The following SENP1 variants were observed in gnomAD, a reference collection of about 807,000 sequenced individuals.
The protein encoded by SENP1 is sentrin-specific protease 1.
In SENP1, 21 loss-of-function variants were observed where a neutral mutation model predicts 93.0. The ratio of observed to expected loss-of-function variants is 0.23; its 90% CI spans 0.16 to 0.33. The LOEUF (loss-of-function observed/expected upper bound fraction) is 0.33, where lower values mean the gene tolerates loss of function less well. Among genes scored for constraint, SENP1 ranks in the 10% least tolerant of loss-of-function variants. SENP1 has a pLI of 1.00. For missense variants in SENP1, 591 were observed against 758.7 expected, an observed-to-expected ratio of 0.78 and a Z score of 2.60; for synonymous variants, 256 against 259.6, an observed-to-expected ratio of 0.99 and a Z score of 0.13.
chr12:48,053,102 T>C (rs959724881), intron 13 of SENP1, among the ~76,000 whole-genome samples: 1 of 152,284 alleles, frequency 6.6e-6, no homozygotes, highest in Middle Eastern at 3.4e-3. Context: ...CAGATTTAAC[T>C]ACTCCTTGGA....
intron 14 of SENP1, among the ~76,000 whole-genome samples, chr12:48,048,707 CTT>C (rs1941560623): frequency 6.6e-6 from 1 of 152,180 alleles, no homozygotes; most frequent in African/African-American, 2.4e-5. Context: ...CTATAACTCT[CTT>C]TTAAATATTT....
At chr12:48,049,740 T>C (rs1027131135) in intron 13 of SENP1, among the ~76,000 whole-genome samples, 1 of 152,174 alleles carries the variant, frequency 6.6e-6, no homozygotes, top group African/African-American at 2.4e-5. Context: ...GGAGAAGCCA[T>C]TAATTATACT....
rs11833896 is a variant in SENP1, at chr12:48,093,247, A to C, written c.220+3096T>G. ...ATATAAACAGCTTCATGTCAGTTCA[A>C]GTAGGTTTTGCCAAGGAATGAATTC... On this transcript the variant is annotated intron_variant, in intron 4 of 17. Coordinates refer to ENST00000549518, the MANE Select transcript of SENP1 (RefSeq NM_001267594.2). Among the ~76,000 whole-genome samples the C allele has an allele frequency of 4.6e-3, 696 of 151,856 alleles. 7 individuals are homozygous for C. The highest frequency in any genetic ancestry group is 0.015 in the African/African-American group (626 of 41,430).
At chr12:48,096,525 T>C (rs898526525) in intron 3 of SENP1, 98 bp from the exon 4 acceptor site, 17 of 691,152 alleles carry the variant, frequency 2.5e-5, no homozygotes, top group Non-Finnish European at 4.3e-5. Flanking sequence ...GCACAATCTC[T>C]GCTCACTGCA....
intron 17 of SENP1, among the ~76,000 whole-genome samples, chr12:48,045,626 T>C (rs1320656064): frequency 6.6e-6 from 1 of 152,208 alleles, no homozygotes. Flanking sequence ...CCCCAGGCTA[T>C]GCCCACGTCT....
intron 4 of SENP1, among the ~76,000 whole-genome samples, chr12:48,095,829 G>C (rs778810638): frequency 2.0e-5 from 3 of 152,190 alleles, no homozygotes; most frequent in Non-Finnish European, 4.4e-5. Context: ...TTCTGTCATG[G>C]ATCACAAGTT....
In SENP1 at chr12:48,061,867, GT is replaced by G. The variant is rs142729152; in HGVS notation, c.1407+1842del. 3.9e-4 allele frequency among the ~76,000 whole-genome samples: 60 copies of G among 152,306 alleles called. No individual in the cohort carries two copies. In the East Asian group the frequency reaches 0.011, roughly 28 times the overall value. ...TAGCTCCCATCATTATTATGGACAT[GT>G]GAACTGGCACTCATTTTCAAGGATA... On this transcript the variant is annotated intron_variant, in intron 13 of 17. Transcript: ENST00000549518.
In SENP1 at chr12:48,074,791, T is replaced by C; in HGVS notation, c.555A>G (p.Thr185=). 1 of 1,587,840 alleles carries C rather than the reference T, an allele frequency of 6.3e-7. No individual in the cohort carries two copies. Among genetic ancestry groups the C allele is most frequent in the Non-Finnish European group, 8.6e-7 (1 of 1,166,032 alleles). Residue 185 remains threonine (T), a splice_region_variant and synonymous_variant, in exon 7 of 18, where the codon ACA becomes ACG. Coordinates refer to ENST00000549518, the MANE Select transcript of SENP1 (RefSeq NM_001267594.2). ...QRRHVSTAEE[T]VQEEEREIYR... is the part of the protein sequence containing the mutation. ...AAATCTCTCTTTCTTCTTCTTGAACTGTCTATAAGAAAACAAAAAAAAAAA... is the reference window on the plus strand; with the variant it reads ...AAATCTCTCTTTCTTCTTCTTGAACCGTCTATAAGAAAACAAAAAAAAAAA...
In SENP1 at chr12:48,074,722, T is replaced by A. The variant is rs574312330; in HGVS notation, c.624A>T (p.Ile208=). 5.6e-6 allele frequency: 9 copies of A among 1,613,528 alleles called. No individual in the cohort carries two copies. The highest frequency in any genetic ancestry group is 7.6e-6 in the Non-Finnish European group (9 of 1,179,728). The change falls in exon 7 of 18, where the codon ATA becomes ATT. Residue 208 remains isoleucine, a synonymous_variant. Coordinates refer to ENST00000549518, the MANE Select transcript of SENP1 (RefSeq NM_001267594.2). ...LQMVTGKQFT[I]AKPTTHFPLH... ...AAGGAAAATGTGTGGTGGGTTTGGC[T>A]ATAGTAAACTGTTTCCCTGTGACCA...
At position 48,096,318 on chromosome 12, in the gene SENP1, C is replaced by T. The variant is rs773218272; in HGVS notation, c.220+25G>A. 10 of 1,406,240 alleles carry T rather than the reference C, an allele frequency of 7.1e-6. No individual in the cohort carries two copies. The South Asian group carries it at 1.1e-4, about 15-fold the overall frequency. The allele number at this position is 1,406,240 out of a possible 1,614,324, so 87.1% of individuals were successfully genotyped here. Reference sequence around the variant, plus strand: ...AAGAAATCCAAAAGGTATAAAGTCCCTTGACTCCAAGTAATGTGTCATACC... The same window carrying T: ...AAGAAATCCAAAAGGTATAAAGTCCTTTGACTCCAAGTAATGTGTCATACC... On this transcript the variant is annotated intron_variant, in intron 4 of 17. Transcript: ENST00000549518.
chr12:48,075,216 A>AAAAACAAAACAAAACAAAAC (rs58188197), intron 6 of SENP1, among the ~76,000 whole-genome samples: 2 of 150,334 alleles, frequency 1.3e-5, no homozygotes, highest in Non-Finnish European at 3.0e-5. Flanking sequence ...CTCTGTCTCA[A>AAAAACAAAACAAAACAAAAC]AAAACAAAAC....
intron 14 of SENP1, 21 bp from the exon 15 acceptor site, chr12:48,048,101 C>G: frequency 6.6e-7 from 1 of 1,523,678 alleles, no homozygotes; most frequent in East Asian, 2.3e-5. Flanking sequence ...GAAAAAAAGT[C>G]TCTGTGTTTA....
chr12:48,089,078 T>G, intron 4 of SENP1, 118 bp from the exon 5 acceptor site: 2 of 1,543,086 alleles, frequency 1.3e-6, no homozygotes, highest in Admixed American at 1.9e-5. Flanking sequence ...ATTTCTCTCA[T>G]GGAAGAAAGA....
chr12:48,099,028 T>C (rs1945746384), intron 2 of SENP1: 1 of 152,018 alleles, frequency 6.6e-6, no homozygotes, highest in African/African-American at 2.4e-5. Context: ...TTTAAAGCTT[T>C]AAAAATAACG....
At chr12:48,055,338 C>A (rs951937340) in intron 13 of SENP1, 1 of 156,716 alleles carries the variant, frequency 6.4e-6, no homozygotes, top group African/African-American at 2.4e-5. Context: ...ATTCCCAAAT[C>A]TCTTCCCTTA....
At chr12:48,047,116 G>A in intron 15 of SENP1, 54 bp from the exon 16 acceptor site, 1 of 1,103,942 alleles carries the variant, frequency 9.1e-7, no homozygotes, top group Non-Finnish European at 1.4e-6. Flanking sequence ...GATGACAGCT[G>A]CCACACTAAG....
intron 5 of SENP1, chr12:48,085,344 G>A (rs1944783393): frequency 6.9e-7 from 1 of 1,448,966 alleles, no homozygotes; most frequent in Non-Finnish European, 9.7e-7. Flanking sequence ...CCCCTCCAAG[G>A]AGCACCCATA....
At position 48,046,392 on chromosome 12, in the gene SENP1, G is replaced by A; in HGVS notation, c.1836C>T (p.Asp612=). Residue 612 remains aspartate (D), a synonymous_variant, in exon 17 of 18, where the codon GAC becomes GAT. Transcript: ENST00000549518. ...DCGMFACKYA[D]CITKDRPINF... ...TGATTGGTCTGTCTTTGGTAATACA[G>A]TCAGCATATTTGCAGGCAAACATCC... is the stretch of plus-strand genomic sequence containing the variant. The A allele has an allele frequency of 6.2e-7, 1 of 1,613,348 alleles. No individual in the cohort carries two copies. The highest frequency in any genetic ancestry group is 1.1e-5 in the South Asian group (1 of 91,060).
chr12:48,063,579 A>AAG, intron 13 of SENP1, 131 bp downstream of exon 13: 1 of 761,084 alleles, frequency 1.3e-6, no homozygotes, highest in South Asian at 2.2e-5. Flanking sequence ...TACAAGAATG[A>AAG]AGAGGCCTAT....
Sources: gnomAD v4.1 joint callset for allele counts (sites outside exome capture counted in the v4.1 genomes callset) on GRCh38, gnomAD v4.1.1 for gene constraint, MANE v1.5 for transcripts, NCBI Gene and HGNC (gene_info 2026-07-23, HGNC 2026-07-21) for gene names.